The following KCNIP1 variants were observed in gnomAD, a reference collection of about 807,000 sequenced individuals.
KCNIP1 encodes potassium voltage-gated channel interacting protein 1, also known as A-type potassium channel modulatory protein KCNIP1.
In KCNIP1, 18 loss-of-function variants were observed where a neutral mutation model predicts 33.0. The ratio of observed to expected loss-of-function variants is 0.55; its 90% CI spans 0.38 to 0.81. The LOEUF (loss-of-function observed/expected upper bound fraction) is 0.81, where lower values mean the gene tolerates loss of function less well. Ranked by LOEUF, KCNIP1 falls within the 30% of genes least tolerant of loss-of-function variation. The pLI is 0.00. For synonymous variants in KCNIP1, 93 were observed against 98.3 expected (o/e 0.95, Z 0.32); for missense variants, 238 against 271.6 (o/e 0.88, Z 0.87).
intron 1 of KCNIP1, among the ~76,000 whole-genome samples, chr5:170,548,427 G>A (rs920454475): frequency 6.6e-6 from 1 of 152,150 alleles, no homozygotes; most frequent in African/African-American, 2.4e-5. Context: ...ATTATTAGAG[G>A]AATGAATTAA....
intron 1 of KCNIP1, among the ~76,000 whole-genome samples, chr5:170,589,794 T>TGTGTGGTGTGGTGCGATGCGGTGCG (rs1554103003): frequency 8.8e-6 from 1 of 113,164 alleles, no homozygotes; most frequent in African/African-American, 3.0e-5. Flanking sequence ...TGTGATGTGG[T>TGTGTGGTGTGGTGCGATGCGGTGCG]GTGCGGTGCG....
chr5:170,369,698 A>G (rs1037782412), intron 1 of KCNIP1, among the ~76,000 whole-genome samples: 1 of 152,122 alleles, frequency 6.6e-6, no homozygotes, highest in African/African-American at 2.4e-5. Context: ...TGATGCAGCC[A>G]CTCTATTCCC....
chr5:170,575,086 A>C (rs781591957), intron 1 of KCNIP1, among the ~76,000 whole-genome samples: 1 of 152,190 alleles, frequency 6.6e-6, no homozygotes, highest in African/African-American at 2.4e-5. Flanking sequence ...GAAAAAAAAA[A>C]TGTGAACCCA....
At chr5:170,393,020 A>G (rs1211050761) in intron 1 of KCNIP1, among the ~76,000 whole-genome samples, 1 of 152,148 alleles carries the variant, frequency 6.6e-6, no homozygotes, top group East Asian at 1.9e-4. Context: ...ACAATCCCCC[A>G]CAAAAGGCCT....
At chr5:170,532,405 A>G (rs1012530571) in intron 1 of KCNIP1, among the ~76,000 whole-genome samples, 3 of 152,140 alleles carry the variant, frequency 2.0e-5, no homozygotes, top group East Asian at 1.9e-4. Context: ...CTGTGTTGAC[A>G]TCCATTGACA....
intron 1 of KCNIP1, among the ~76,000 whole-genome samples, chr5:170,425,960 C>T (rs1755603629): frequency 6.6e-6 from 1 of 152,222 alleles, no homozygotes; most frequent in Admixed American, 6.5e-5. Context: ...CCGTGGCATG[C>T]TCTAGGACTC....
intron 1 of KCNIP1, among the ~76,000 whole-genome samples, chr5:170,477,467 C>CGTTCTGTAGCCCA (rs545100285): frequency 8.5e-5 from 13 of 152,142 alleles, no homozygotes; most frequent in Middle Eastern, 6.8e-3. Context: ...GGCAGAGTCT[C>CGTTCTGTAGCCCA]GTTCTGTAGC....
intron 1 of KCNIP1, among the ~76,000 whole-genome samples, chr5:170,540,099 C>G (rs184885629): frequency 6.6e-6 from 1 of 152,280 alleles, no homozygotes; most frequent in Admixed American, 6.5e-5. Flanking sequence ...GGTCTGGGTT[C>G]TTCTGATGTA....
chr5:170,500,338 G>T (rs149085240), upstream of KCNIP1, among the ~76,000 whole-genome samples: 1 of 152,140 alleles, frequency 6.6e-6, no homozygotes, highest in African/African-American at 2.4e-5. Context: ...AGTCCACACC[G>T]GGGTGCATGA....
chr5:170,675,507 G>C (rs947543632), intron 1 of KCNIP1, among the ~76,000 whole-genome samples: 1 of 152,094 alleles, frequency 6.6e-6, no homozygotes, highest in African/African-American at 2.4e-5. Flanking sequence ...TGTAGTCCCA[G>C]CTACTCAGGA....
intron 1 of KCNIP1, among the ~76,000 whole-genome samples, chr5:170,419,649 T>A (rs1001168319): frequency 6.6e-6 from 1 of 152,208 alleles, no homozygotes; most frequent in African/African-American, 2.4e-5. Context: ...ACCAAGTGCT[T>A]AATATACGTG....
At chr5:170,494,440 A>G (rs1757271255) in intron 1 of KCNIP1, among the ~76,000 whole-genome samples, 1 of 152,112 alleles carries the variant, frequency 6.6e-6, no homozygotes, top group African/African-American at 2.4e-5. Flanking sequence ...TTCCATGTAG[A>G]GTGAGGGAAG....
intron 1 of KCNIP1, among the ~76,000 whole-genome samples, chr5:170,674,165 AAGGAAGGAAGGAAGGAAGGG>A (rs1257480513): frequency 7.0e-4 from 44 of 62,654 alleles, no homozygotes; most frequent in African/African-American, 2.4e-3. Context: ...GGAAGGAAGG[AAGGAAGGAAGGAAGGAAGGG>A]AGGGAGGGAG....
intron 1 of KCNIP1, among the ~76,000 whole-genome samples, chr5:170,406,752 G>A (rs144475196): frequency 1.2e-4 from 18 of 152,294 alleles, no homozygotes; most frequent in Admixed American, 3.3e-4. Flanking sequence ...AGGCCTGGAG[G>A]GTCTTTGCAC....
chr5:170,416,289 G>A (rs565634949), intron 1 of KCNIP1, among the ~76,000 whole-genome samples: 1 of 152,248 alleles, frequency 6.6e-6, no homozygotes, highest in East Asian at 1.9e-4. Context: ...GCAACGCTAT[G>A]AGGGCAGCTC....
chr5:170,541,658 C>G (rs1009340387), intron 1 of KCNIP1, among the ~76,000 whole-genome samples: 1 of 152,110 alleles, frequency 6.6e-6, no homozygotes, highest in Non-Finnish European at 1.5e-5. Flanking sequence ...ACCCACCCAC[C>G]CACCTTCTGA....
intron 1 of KCNIP1, among the ~76,000 whole-genome samples, chr5:170,461,806 C>A (rs1487746663): frequency 6.6e-6 from 1 of 150,744 alleles, no homozygotes; most frequent in Non-Finnish European, 1.5e-5. Flanking sequence ...CAGAAATAAA[C>A]CCGAACGCTT....
chr5:170,535,200 T>C (rs1376680275), intron 1 of KCNIP1, among the ~76,000 whole-genome samples: 1 of 151,970 alleles, frequency 6.6e-6, no homozygotes, highest in African/African-American at 2.4e-5. Flanking sequence ...TTATCCACTG[T>C]CCCCAGAGAC....
At chr5:170,533,335 C>G (rs543138238) in intron 1 of KCNIP1, among the ~76,000 whole-genome samples, 1 of 152,340 alleles carries the variant, frequency 6.6e-6, no homozygotes, top group South Asian at 2.1e-4. Context: ...CCAAGTTTAA[C>G]AGGCATTTCT....
Sources: gnomAD v4.1 joint callset for allele counts (sites outside exome capture counted in the v4.1 genomes callset) on GRCh38, gnomAD v4.1.1 for gene constraint, MANE v1.5 for transcripts, NCBI Gene and HGNC (gene_info 2026-07-23, HGNC 2026-07-21) for gene names.